Variants in LEPR observed in about 807,000 individuals in gnomAD.
LEPR encodes the protein OB receptor.
A neutral mutation model predicts 114.7 loss-of-function variants in LEPR; 56 were observed. The ratio of observed to expected loss-of-function variants is 0.49; its 90% CI spans 0.39 to 0.61. The LOEUF is 0.61. Among genes scored for constraint, LEPR ranks in the 20% least tolerant of loss-of-function variants. LEPR has a pLI of 0.00. For synonymous variants in LEPR, 443 were observed against 461.4 expected, an observed-to-expected ratio of 0.96 and a Z score of 0.51; for missense variants, 1,202 against 1,352.9, an observed-to-expected ratio of 0.89 and a Z score of 1.75.
intron 2 of LEPR, chr1:65,433,259 C>A: frequency 2.0e-6 from 2 of 985,366 alleles, no homozygotes; most frequent in South Asian, 4.7e-5. Flanking sequence ...CATGTAAGCA[C>A]GCAGTGGGTG....
chr1:65,548,125 A>C (rs560580854), intron 2 of LEPR, among the ~76,000 whole-genome samples: 1 of 152,110 alleles, frequency 6.6e-6, no homozygotes, highest in East Asian at 1.9e-4. Context: ...TCTTTGAGAG[A>C]GTTTCTGAAT....
intron 19 of LEPR, chr1:65,634,009 C>G (rs965926550): frequency 2.0e-6 from 2 of 985,198 alleles, no homozygotes; most frequent in Non-Finnish European, 2.4e-6. Context: ...AGACCTCTGG[C>G]AGGCAGGGAA....
chr1:65,498,732 T>TA (rs1413450773), intron 2 of LEPR, among the ~76,000 whole-genome samples: 3 of 152,176 alleles, frequency 2.0e-5, no homozygotes, highest in Non-Finnish European at 4.4e-5. Flanking sequence ...GGAAGCCAGT[T>TA]ACCTTGCAAA....
At chr1:65,585,512 T>G (rs2100866202) in intron 5 of LEPR, among the ~76,000 whole-genome samples, 1 of 152,150 alleles carries the variant, frequency 6.6e-6, no homozygotes, top group East Asian at 1.9e-4. Context: ...CTCTACCTTT[T>G]GTGTAAAAAT....
intron 17 of LEPR, among the ~76,000 whole-genome samples, chr1:65,620,625 T>A (rs61781310): frequency 0.18 from 26,846 of 152,090 alleles, 2,529 homozygotes; most frequent in Middle Eastern, 0.24. Flanking sequence ...GGTCTTTCTA[T>A]GGAGGTGGAT....
At chr1:65,433,725 T>C (rs1044564955) in intron 2 of LEPR, 15 of 917,258 alleles carry the variant, frequency 1.6e-5, no homozygotes, top group Non-Finnish European at 2.0e-5. Context: ...ATTATTTAGA[T>C]ACTTTATAAT....
At chr1:65,543,729 C>T (rs182595869) in intron 2 of LEPR, among the ~76,000 whole-genome samples, 2,508 of 152,082 alleles carry the variant, frequency 0.016, 39 homozygotes, top group Admixed American at 0.026. Context: ...ATAGGGAATC[C>T]TTTCCCCATT....
At chr1:65,497,510 C>G (rs1648226789) in intron 2 of LEPR, among the ~76,000 whole-genome samples, 1 of 152,090 alleles carries the variant, frequency 6.6e-6, no homozygotes, top group African/African-American at 2.4e-5. Context: ...TGCAGGATTG[C>G]TTTTACATGA....
chr1:65,557,666 C>T (rs866544238), intron 2 of LEPR, among the ~76,000 whole-genome samples: 4 of 152,170 alleles, frequency 2.6e-5, no homozygotes, highest in Non-Finnish European at 5.9e-5. Context: ...GTGATCCACC[C>T]GCCTTGGCCT....
At chr1:65,484,155 C>T (rs566090015) in intron 2 of LEPR, among the ~76,000 whole-genome samples, 1 of 152,054 alleles carries the variant, frequency 6.6e-6, no homozygotes, top group African/African-American at 2.4e-5. Context: ...CTGTGCCTGG[C>T]CTTTACACTT....
intron 2 of LEPR, among the ~76,000 whole-genome samples, chr1:65,544,658 A>T (rs1651513634): frequency 6.6e-6 from 1 of 151,026 alleles, no homozygotes; most frequent in African/African-American, 2.4e-5. Flanking sequence ...GCAGTGTTGA[A>T]TATTATCGAA....
intron 19 of LEPR, chr1:65,635,399 T>C (rs1163094365): frequency 1.1e-5 from 11 of 981,410 alleles, no homozygotes; most frequent in Non-Finnish European, 1.3e-5. Flanking sequence ...CTTTGTGATA[T>C]AATCACTTCT....
chr1:65,461,032 A>G (rs1176342762), intron 2 of LEPR, among the ~76,000 whole-genome samples: 3 of 148,348 alleles, frequency 2.0e-5, no homozygotes, highest in African/African-American at 7.5e-5. Flanking sequence ...CCAGAGTGCA[A>G]TGGTGGAATC....
chr1:65,509,558 T>G (rs1252327090), intron 2 of LEPR, among the ~76,000 whole-genome samples: 2 of 152,140 alleles, frequency 1.3e-5, no homozygotes, highest in African/African-American at 4.8e-5. Context: ...AATTTTACAG[T>G]ATCTTATGCT....
chr1:65,427,485 G>C (rs2101691313), intron 2 of LEPR, among the ~76,000 whole-genome samples: 1 of 152,296 alleles, frequency 6.6e-6, no homozygotes, highest in East Asian at 1.9e-4. Context: ...GTTGAGCCCA[G>C]GGGTTGGAGG....
At chr1:65,522,572 A>G (rs1281582226) in intron 2 of LEPR, among the ~76,000 whole-genome samples, 1 of 152,246 alleles carries the variant, frequency 6.6e-6, no homozygotes, top group East Asian at 1.9e-4. Flanking sequence ...GGAGTCATTC[A>G]AATCATTATT....
intron 1 of LEPR, among the ~76,000 whole-genome samples, chr1:65,423,044 A>G (rs1646283837): frequency 6.6e-6 from 1 of 152,194 alleles, no homozygotes; most frequent in African/African-American, 2.4e-5. Context: ...GGAAGGTGGA[A>G]TGCAATCATG....
intron 2 of LEPR, among the ~76,000 whole-genome samples, chr1:65,468,257 A>G (rs572484042): frequency 6.6e-6 from 1 of 152,284 alleles, no homozygotes; most frequent in African/African-American, 2.4e-5. Context: ...TCCTGGATGG[A>G]TCTGAGGAAG....
At chr1:65,514,653 A>G (rs1649196795) in intron 2 of LEPR, among the ~76,000 whole-genome samples, 1 of 152,196 alleles carries the variant, frequency 6.6e-6, no homozygotes, top group South Asian at 2.1e-4. Flanking sequence ...TTCCTATAAT[A>G]TATGTTCTGT....
Sources: gnomAD v4.1 joint callset for allele counts (sites outside exome capture counted in the v4.1 genomes callset) on GRCh38, gnomAD v4.1.1 for gene constraint, MANE v1.5 for transcripts, NCBI Gene and HGNC (gene_info 2026-07-23, HGNC 2026-07-21) for gene names.